The following VSIG2 variants were observed in gnomAD, a reference collection of about 807,000 sequenced individuals.
The protein encoded by VSIG2 is V-set and immunoglobulin domain containing 2, also known as V-set and immunoglobulin domain-containing protein 2.
In VSIG2, 30 loss-of-function variants were observed where a neutral mutation model predicts 29.4. The ratio of observed to expected loss-of-function variants is 1.02; its 90% CI spans 0.76 to 1.38. The LOEUF is 1.38. Ranked by LOEUF, VSIG2 falls within the 40% of genes most tolerant of loss-of-function variation. The pLI is 0.00. For synonymous variants in VSIG2, 178 were observed against 174.2 expected, an observed-to-expected ratio of 1.02 and a Z score of -0.17; for missense variants, 421 against 400.8, an observed-to-expected ratio of 1.05 and a Z score of -0.43.
At chr11:124,750,127 C>T (rs1434704190) in intron 3 of VSIG2, among the ~76,000 whole-genome samples, 1 of 152,168 alleles carries the variant, frequency 6.6e-6, no homozygotes, top group Non-Finnish European at 1.5e-5. Context: ...CAGTTCCTGC[C>T]CTTTGGGCCC....
intron 4 of VSIG2, 91 bp from the exon 5 acceptor site, chr11:124,748,854 T>C: frequency 6.3e-7 from 1 of 1,597,512 alleles, no homozygotes; most frequent in Non-Finnish European, 8.6e-7. Flanking sequence ...CTTATAACAA[T>C]CCTGTCAGGG....
Position 124,751,552 on chromosome 11 carries a change from TGTG to T in VSIG2, c.87_89del (p.Thr30del). 6.2e-7 allele frequency: 1 copy of T among 1,607,140 alleles called. No individual in the cohort carries two copies. ...TCCCCAGGGGCGTGCTCAGCGGCTCTGTGGGTACCTTCACCTCCACGGCCAGCC... is the reference window on the plus strand; with the variant it reads ...TCCCCAGGGGCGTGCTCAGCGGCTCTGGTACCTTCACCTCCACGGCCAGCC... On this transcript the variant is annotated inframe_deletion, in exon 2 of 7. Transcript: ENST00000326621.
Position 124,752,214 on chromosome 11 carries a change from A to G in VSIG2, c.-77T>C. The G allele has an allele frequency of 6.9e-7, 1 of 1,452,470 alleles. No homozygotes were observed. Among genetic ancestry groups the G allele is most frequent in the Admixed American group, 2.4e-5 (1 of 41,118 alleles). 90.0% of individuals were successfully genotyped at this position (1,452,470 alleles called of 1,614,324 possible). On this transcript the variant is annotated 5_prime_UTR_variant, in exon 1 of 7. Coordinates refer to ENST00000326621, the MANE Select transcript of VSIG2 (RefSeq NM_014312.5). ...GGTCTGGGTGTCGGGCAGGGAAGGG[A>G]GCACCCAAGGGCAGCCGCCCGGGCT...
rs562441847 is a variant in VSIG2 at position 124,748,501 on chromosome 11, A to G, written c.740T>C (p.Ile247Thr). 6.2e-7 allele frequency: 1 copy of G among 1,614,032 alleles called. No individual in the cohort carries two copies. Among genetic ancestry groups the G allele is most frequent in the East Asian group, 2.2e-5 (1 of 44,876 alleles). ...PSQGRVAGAL[I>T]GVLLGVLLLS... ...CAACAGCACGCCCAGGAGCACCCCA[A>G]TCAGAGCTCCGGCCACTCGGCCTTG... The change falls in exon 6 of 7, where the codon ATT (isoleucine) becomes ACT (threonine). Residue 247 changes from isoleucine (I) to threonine (T), a missense_variant. Transcript: ENST00000326621.
intron 4 of VSIG2, 134 bp downstream of exon 4, chr11:124,749,574 G>A: frequency 8.0e-7 from 1 of 1,248,032 alleles, no homozygotes; most frequent in South Asian, 1.6e-5. Flanking sequence ...AGGAAGCCAA[G>A]GAAGAGACAG....
Position 124,749,883 on chromosome 11 carries a change from A to AACAAAAAAAAAC in VSIG2, c.428-18_428-17insGTTTTTTTTTGT. The AACAAAAAAAAAC allele has an allele frequency of 6.6e-7, 1 of 1,513,410 alleles. No individual in the cohort carries two copies. Among genetic ancestry groups the AACAAAAAAAAAC allele is most frequent in the Non-Finnish European group, 8.8e-7 (1 of 1,134,288 alleles). 93.7% of individuals were successfully genotyped at this position (1,513,410 alleles called of 1,614,324 possible). A position where few individuals can be genotyped will look rare whatever the true frequency, so the allele number is the denominator to read the frequency against. ...TGGGGGGAACTGCAAAAAAAAAAAA[A>AACAAAAAAAAAC]AAAAAAAAAAAACAGAAAGTTCCTC... On this transcript the variant is annotated splice_polypyrimidine_tract_variant and intron_variant, in intron 3 of 6. Coordinates refer to ENST00000326621, the MANE Select transcript of VSIG2 (RefSeq NM_014312.5).
Position 124,748,695 on chromosome 11 carries a change from C to T in VSIG2, c.655G>A (p.Ala219Thr). 6.2e-7 allele frequency: 1 copy of T among 1,614,090 alleles called. No homozygotes were observed. The highest frequency in any genetic ancestry group is 1.7e-5 in the Admixed American group (1 of 60,018). ...GATGCACTGCCCATCTGGTTGGTGG[C>T]CACACAGCGGTAGGTGCCCGAGGAG... ...LTSSGTYRCVATNQMGSASCE... is the reference protein window; with the variant it reads ...LTSSGTYRCVTTNQMGSASCE... Residue 219 changes from alanine to threonine, a missense_variant, in exon 5 of 7, where the codon GCC (alanine) becomes ACC (threonine). Coordinates refer to ENST00000326621, the MANE Select transcript of VSIG2 (RefSeq NM_014312.5).
intron 4 of VSIG2, among the ~76,000 whole-genome samples, chr11:124,749,280 G>A (rs1175790970): frequency 1.3e-5 from 2 of 152,206 alleles, no homozygotes; most frequent in African/African-American, 4.8e-5. Flanking sequence ...ACTGGATCCA[G>A]GAAGAGGAAG....
rs1555108827 is a variant in VSIG2, at chr11:124,749,884, A to AACAAAAAAAAAAC, written c.428-19_428-18insGTTTTTTTTTTGT. 381 of 1,459,852 alleles carry AACAAAAAAAAAAC rather than the reference A, an allele frequency of 2.6e-4. 2 individuals carry two copies. The highest frequency in any genetic ancestry group is 1.5e-3 in the African/African-American group (93 of 63,246). 90.4% of individuals were successfully genotyped at this position (1,459,852 alleles called of 1,614,324 possible). On this transcript the variant is annotated intron_variant, in intron 3 of 6. Coordinates refer to ENST00000326621, the MANE Select transcript of VSIG2 (RefSeq NM_014312.5). ...GGGGGGAACTGCAAAAAAAAAAAAA[A>AACAAAAAAAAAAC]AAAAAAAAAAACAGAAAGTTCCTCA...
At chr11:124,749,062 C>T (rs534334351) in intron 4 of VSIG2, among the ~76,000 whole-genome samples, 1 of 152,254 alleles carries the variant, frequency 6.6e-6, no homozygotes, top group East Asian at 1.9e-4. Flanking sequence ...GGGTGGGGTG[C>T]TTACTGGCTG....
intron 2 of VSIG2, 41 bp downstream of exon 2, chr11:124,751,382 C>T (rs760517812): frequency 1.2e-6 from 2 of 1,605,868 alleles, no homozygotes; most frequent in East Asian, 4.5e-5. Context: ...GCTCCTGTCC[C>T]TCCAGGCCAA....
chr11:124,748,898 G>A (rs913709053), intron 4 of VSIG2, 135 bp from the exon 5 acceptor site: 80 of 1,274,942 alleles, frequency 6.3e-5, no homozygotes, highest in Non-Finnish European at 8.9e-5. Context: ...GGAGGAAACC[G>A]GTTCAGAAGA....
chr11:124,751,515 G>T lies in VSIG2; in HGVS notation c.127C>A (p.Leu43Met). 1 of 1,612,690 alleles carries T rather than the reference G, an allele frequency of 6.2e-7. No individual in the cohort carries two copies. Among genetic ancestry groups the T allele is most frequent in the South Asian group, 1.1e-5 (1 of 91,082 alleles). The change falls in exon 2 of 7, where the codon CTG (leucine) becomes ATG (methionine). Residue 43 changes from leucine to methionine, a missense_variant. Physicochemically the swap from Leu to Met is conservative, Grantham distance 15. Coordinates refer to ENST00000326621, the MANE Select transcript of VSIG2 (RefSeq NM_014312.5). ...ACCGACGTGCTGTAGGTGCAGGTCA[G>T]CTCGGCTGTCTTCCCCAGGGGCGTG... ...LSTPLGKTAE[L>M]TCTYSTSVGD...
chr11:124,749,384 G>A (rs1354984705), intron 4 of VSIG2, among the ~76,000 whole-genome samples: 1 of 152,166 alleles, frequency 6.6e-6, no homozygotes, highest in East Asian at 1.9e-4. Flanking sequence ...AAGTTTGGAA[G>A]TGGTCCACGA....
chr11:124,748,568 A>C, intron 5 of VSIG2, 34 bp from the exon 6 acceptor site: 1 of 1,609,782 alleles, frequency 6.2e-7, no homozygotes, highest in Non-Finnish European at 8.5e-7. Flanking sequence ...TCAGAATTGC[A>C]GGCTTTCCTC....
Position 124,751,500 on chromosome 11 carries a change from T to C in VSIG2, c.142A>G (p.Ser48Gly). ...GKTAELTCTYSTSVGDSFALE... is the reference protein window; with the variant it reads ...GKTAELTCTYGTSVGDSFALE... ...GCGAAGCTGTCTCCCACCGACGTGC[T>C]GTAGGTGCAGGTCAGCTCGGCTGTC... The change falls in exon 2 of 7, where the codon AGC becomes GGC. Residue 48 changes from serine to glycine, a missense_variant. Physicochemically the swap from Ser to Gly is moderately conservative, Grantham distance 56. Coordinates refer to ENST00000326621, the MANE Select transcript of VSIG2 (RefSeq NM_014312.5). 4 of 1,613,124 alleles carry C rather than the reference T, an allele frequency of 2.5e-6. No individual in the cohort carries two copies. The highest frequency in any genetic ancestry group is 3.4e-6 in the Non-Finnish European group (4 of 1,179,992).
intron 6 of VSIG2, 26 bp downstream of exon 6, chr11:124,748,364 C>T (rs759054499): frequency 1.2e-5 from 19 of 1,575,474 alleles, no homozygotes; most frequent in African/African-American, 2.7e-5. Context: ...TCCCTCCTTG[C>T]GCCACCCCCC....
intron 6 of VSIG2, among the ~76,000 whole-genome samples, 168 bp from the exon 7 acceptor site, chr11:124,747,835 A>G (rs1159556045): frequency 6.6e-6 from 1 of 152,162 alleles, no homozygotes; most frequent in Non-Finnish European, 1.5e-5. Context: ...CAACTACAGG[A>G]AGGCTAGAAG....
At position 124,751,407 on chromosome 11, in the gene VSIG2, G is replaced by A; in HGVS notation, c.219+16C>T. 1 of 1,609,960 alleles carries A rather than the reference G, an allele frequency of 6.2e-7. No individual in the cohort carries two copies. The highest frequency in any genetic ancestry group is 8.5e-7 in the Non-Finnish European group (1 of 1,179,938). ...CTCCAGGCCAACCCAGCTTCATGCA[G>A]TCGCTCTCAGCTCACTGGATGGGAC... On this transcript the variant is annotated intron_variant, in intron 2 of 6. Coordinates refer to ENST00000326621, the MANE Select transcript of VSIG2 (RefSeq NM_014312.5).
Sources: gnomAD v4.1 joint callset for allele counts (sites outside exome capture counted in the v4.1 genomes callset) on GRCh38, gnomAD v4.1.1 for gene constraint, MANE v1.5 for transcripts, NCBI Gene and HGNC (gene_info 2026-07-23, HGNC 2026-07-21) for gene names.